KIAA1614: variants seen among roughly 807,000 people sequenced by gnomAD.
KIAA1614 encodes the protein KIAA1614.
A neutral mutation model predicts 88.7 loss-of-function variants in KIAA1614; 76 were observed. That is an observed-to-expected ratio of 0.86 (90% CI 0.71 to 1.04). The LOEUF (loss-of-function observed/expected upper bound fraction) is 1.04. Among genes scored for constraint, KIAA1614 ranks in the 50% least tolerant of loss-of-function variants. The pLI is 0.00. For missense variants in KIAA1614, 1,553 were observed against 1,582.5 expected (o/e 0.98, Z 0.32); for synonymous variants, 714 against 675.5 (o/e 1.06, Z -0.88).
intron 2 of KIAA1614, among the ~76,000 whole-genome samples, chr1:180,917,403 G>A (rs752064312): frequency 3.3e-5 from 5 of 152,174 alleles, no homozygotes; most frequent in East Asian, 1.9e-4. Context: ...ATTCCTTTCC[G>A]GAGTGGCTTT....
At chr1:180,914,943 A>G (rs1653744585) in intron 1 of KIAA1614, among the ~76,000 whole-genome samples, 1 of 151,954 alleles carries the variant, frequency 6.6e-6, no homozygotes, top group African/African-American at 2.4e-5. Flanking sequence ...CTGGGATTAC[A>G]GGTGTGAGCC....
intron 3 of KIAA1614, among the ~76,000 whole-genome samples, chr1:180,923,909 C>G (rs892130014): frequency 1.3e-5 from 2 of 151,962 alleles, no homozygotes; most frequent in African/African-American, 4.8e-5. Flanking sequence ...TCCCATCCTG[C>G]CCCACTGATA....
At position 180,948,743 on chromosome 1, in the gene KIAA1614, G is replaced by A. The variant is rs767787086; in HGVS notation, c.*3155G>A. ...AGACAGGGCTGAGGGAAAACGCCTTGTACAGTCAGGATGGCAGATGTACTC... is the reference window on the plus strand; with the variant it reads ...AGACAGGGCTGAGGGAAAACGCCTTATACAGTCAGGATGGCAGATGTACTC... On this transcript the variant is annotated 3_prime_UTR_variant, in exon 9 of 9. Coordinates refer to ENST00000367588, the MANE Select transcript of KIAA1614 (RefSeq NM_020950.2). 6.6e-6 allele frequency: 1 copy of A among 152,290 alleles called. No homozygotes were observed. The highest frequency in any genetic ancestry group is 1.5e-5 in the Non-Finnish European group (1 of 68,090). 9.4% of individuals were successfully genotyped at this position (152,290 alleles called of 1,614,324 possible).
chr1:180,936,289 G>A lies in KIAA1614; in HGVS notation c.2380G>A (p.Ala794Thr), dbSNP rs1290187598. ...TGCAGAGCCTTCTGCCCCACACCAAGCCTGGCAGCCAACAGCTTCCTTGTG... is the reference window on the plus strand; with the variant it reads ...TGCAGAGCCTTCTGCCCCACACCAAACCTGGCAGCCAACAGCTTCCTTGTG... ...SHAEPSAPHQAWQPTASLCPE... is the reference protein window; with the variant it reads ...SHAEPSAPHQTWQPTASLCPE... Residue 794 changes from alanine (A) to threonine (T), a missense_variant, in exon 5 of 9, where the codon GCC (alanine) becomes ACC (threonine). Ala to Thr is a moderately conservative substitution (Grantham distance 58). Coordinates refer to ENST00000367588, the MANE Select transcript of KIAA1614 (RefSeq NM_020950.2). 1 of 1,614,144 alleles carries A rather than the reference G, an allele frequency of 6.2e-7. No individual in the cohort carries two copies.
intron 3 of KIAA1614, among the ~76,000 whole-genome samples, chr1:180,921,609 G>A (rs1265169812): frequency 6.6e-6 from 1 of 152,180 alleles, no homozygotes; most frequent in East Asian, 1.9e-4. Flanking sequence ...CCACCCCTTG[G>A]GCTAGGGATC....
rs1194435556 is a variant in KIAA1614 at position 180,913,091 on chromosome 1, C to T, written c.-153C>T. The T allele has an allele frequency of 6.6e-6, 3 of 454,538 alleles. No homozygotes were observed. The highest frequency in any genetic ancestry group is 4.1e-5 in the African/African-American group (2 of 48,620). The allele number at this position is 454,538 out of a possible 1,614,324, so 28.2% of individuals were successfully genotyped here. On this transcript the variant is annotated 5_prime_UTR_variant, in exon 1 of 9. Transcript: ENST00000367588. The stretch of plus-strand genomic sequence containing the variant: ...CCGGGAGCTGGCCCGGCCTCGGCGC[C>T]GTCCCGGACCCCCAGTCGGCCGCGC...
In KIAA1614 at chr1:180,916,454, A is replaced by G. The variant is rs190608612; in HGVS notation, c.351A>G (p.Gln117=). The G allele has an allele frequency of 1.1e-3, 1,717 of 1,614,140 alleles. 2 individuals carry two copies. The highest frequency in any genetic ancestry group is 1.9e-3 in the African/African-American group (142 of 75,040). ...AGTGGTCATCCCCCAAGAAACCCCA[A>G]TGCAGACGAGGCAAGGCAGGGAGAG... ...SQEWSSPKKP[Q]CRRGKAGRAG... Residue 117 remains glutamine, a synonymous_variant, in exon 2 of 9, where the codon CAA becomes CAG. Coordinates refer to ENST00000367588, the MANE Select transcript of KIAA1614 (RefSeq NM_020950.2).
chr1:180,917,365 C>T (rs1461790421), intron 2 of KIAA1614, among the ~76,000 whole-genome samples: 4 of 152,182 alleles, frequency 2.6e-5, no homozygotes, highest in Admixed American at 1.3e-4. Context: ...GGGTTAGAGG[C>T]CACTATGATG....
chr1:180,939,598 A>T (rs1314684147), intron 6 of KIAA1614, among the ~76,000 whole-genome samples: 1 of 151,936 alleles, frequency 6.6e-6, no homozygotes, highest in East Asian at 1.9e-4. Context: ...TTGCTATACA[A>T]TTCTAGTCGC....
rs2102269454 is a variant in KIAA1614 at position 180,935,260 on chromosome 1, C to T, written c.1351C>T (p.Arg451Cys). ...GCGGGGCCCCTCGCCGTCGCACGTG[C>T]GCTTTGAGGATGAGTCCGCCCGCGA... ...PRRGPSPSHV[R>C]FEDESAREAE... The change falls in exon 5 of 9, where the codon CGC (arginine) becomes TGC (cysteine). Residue 451 changes from arginine (R) to cysteine (C), a missense_variant. Coordinates refer to ENST00000367588, the MANE Select transcript of KIAA1614 (RefSeq NM_020950.2). This position sits in a 1 kb window ranked among gnomAD's most constrained non-coding sequence, Gnocchi z 6.1. 1 of 1,524,358 alleles carries T rather than the reference C, an allele frequency of 6.6e-7. No individual in the cohort carries two copies. Among genetic ancestry groups the T allele is most frequent in the African/African-American group, 1.4e-5 (1 of 69,686 alleles). 94.4% of individuals were successfully genotyped at this position (1,524,358 alleles called of 1,614,324 possible).
chr1:180,945,280 CTG>C, intron 8 of KIAA1614, 21 bp from the exon 9 acceptor site: 1 of 1,568,066 alleles, frequency 6.4e-7, no homozygotes, highest in Non-Finnish European at 8.6e-7. Flanking sequence ...TTTGCCCTCA[CTG>C]TGTCTCTGGT....
chr1:180,924,488 C>T (rs1654025120), intron 3 of KIAA1614, among the ~76,000 whole-genome samples: 1 of 152,224 alleles, frequency 6.6e-6, no homozygotes, highest in Non-Finnish European at 1.5e-5. Context: ...TAGGCGTGCA[C>T]TGCAGGCCTC....
intron 5 of KIAA1614, among the ~76,000 whole-genome samples, chr1:180,937,577 C>A (rs1654361748): frequency 6.6e-6 from 1 of 152,200 alleles, no homozygotes; most frequent in African/African-American, 2.4e-5. Context: ...CACATTTTTG[C>A]TCTAATGTGA....
At chr1:180,942,292 G>A (rs1037663118) in intron 7 of KIAA1614, among the ~76,000 whole-genome samples, 1 of 152,206 alleles carries the variant, frequency 6.6e-6, no homozygotes, top group Admixed American at 6.5e-5. Flanking sequence ...GCTCGCTCAG[G>A]CTCTCCCTCA....
chr1:180,930,047 G>T (rs939924946), intron 4 of KIAA1614, among the ~76,000 whole-genome samples: 1 of 152,180 alleles, frequency 6.6e-6, no homozygotes, highest in African/African-American at 2.4e-5. Context: ...ATCCTGGCAA[G>T]GGGTGCCAAA....
rs757679601 is a variant in KIAA1614, at chr1:180,945,411, C to CCAGCTG, written c.3407_3412dup (p.Leu1136_Gln1137dup). 6 of 1,604,546 alleles carry CCAGCTG rather than the reference C, an allele frequency of 3.7e-6. No homozygotes were observed. The highest frequency in any genetic ancestry group is 4.2e-6 in the Non-Finnish European group (5 of 1,177,240). On this transcript the variant is annotated inframe_insertion, in exon 9 of 9. Transcript: ENST00000367588. ...TGGAGGTGTTCCCAGACGGCACCAG[C>CCAGCTG]CAGCTGCAGCTGCAGCGCTCCCCAG...
intron 3 of KIAA1614, among the ~76,000 whole-genome samples, chr1:180,922,914 C>G (rs1316280841): frequency 6.6e-6 from 1 of 152,246 alleles, no homozygotes; most frequent in Non-Finnish European, 1.5e-5. Context: ...AGGTTGTGAC[C>G]TGCACTTCGG....
chr1:180,925,710 C>T (rs1029032518), intron 3 of KIAA1614, among the ~76,000 whole-genome samples: 1 of 152,220 alleles, frequency 6.6e-6, no homozygotes, highest in African/African-American at 2.4e-5. Context: ...GGACCACACG[C>T]TGCCCTTTGT....
chr1:180,934,640 C>A (rs1232267430), intron 4 of KIAA1614, among the ~76,000 whole-genome samples: 1 of 152,210 alleles, frequency 6.6e-6, no homozygotes, highest in Non-Finnish European at 1.5e-5. Context: ...CACAGCCTCT[C>A]CTTTAAGTGG....
Sources: gnomAD v4.1 joint callset for allele counts (sites outside exome capture counted in the v4.1 genomes callset) on GRCh38, gnomAD v4.1.1 for gene constraint, Gnocchi (gnomAD v3.1) non-coding constraint, MANE v1.5 for transcripts, NCBI Gene and HGNC (gene_info 2026-07-23, HGNC 2026-07-21) for gene names.